COL4A4: variants seen among roughly 807,000 people sequenced by gnomAD.
COL4A4 encodes the protein collagen alpha-4(IV) chain.
In COL4A4, 105 loss-of-function variants were observed where a neutral mutation model predicts 192.9. That is an observed-to-expected ratio of 0.54 (90% CI 0.46 to 0.64). The LOEUF is 0.64. COL4A4 is among the 30% of genes least tolerant of loss of function. COL4A4 has a pLI of 0.00. For synonymous variants in COL4A4, 762 were observed against 769.9 expected (o/e 0.99, Z 0.17); for missense variants, 1,967 against 2,169.3 (o/e 0.91, Z 1.85).
chr2:227,103,049 A>C, intron 14 of COL4A4, 95 bp downstream of exon 14: 1 of 1,174,442 alleles, frequency 8.5e-7, no homozygotes, highest in Non-Finnish European at 1.3e-6. Context: ...ATATATTAGC[A>C]CTTAAAGCAA....
intron 25 of COL4A4, among the ~76,000 whole-genome samples, chr2:227,077,555 A>G (rs2059095889): frequency 6.6e-6 from 1 of 152,148 alleles, no homozygotes; most frequent in Non-Finnish European, 1.5e-5. Context: ...TGTGGGGCTT[A>G]AAACCTAGAT....
At chr2:227,022,857 C>T (rs1386589313) in intron 43 of COL4A4, among the ~76,000 whole-genome samples, 1 of 152,156 alleles carries the variant, frequency 6.6e-6, no homozygotes, top group Non-Finnish European at 1.5e-5. Flanking sequence ...CAAAAGTACT[C>T]ATGAATACTG....
chr2:227,105,152 C>A, intron 12 of COL4A4, among the ~76,000 whole-genome samples: 1 of 146,218 alleles, frequency 6.8e-6, no homozygotes, highest in Non-Finnish European at 1.5e-5. Context: ...TTTTGTGAGC[C>A]TTTTTCTATT....
the COL4A4 span, among the ~76,000 whole-genome samples, chr2:226,987,568 C>T: frequency 1.4e-4 from 22 of 152,346 alleles, no homozygotes; most frequent in Non-Finnish European, 2.4e-4. Flanking sequence ...CACCACCTGA[C>T]GCCTGTGTCT....
intron 1 of COL4A4, among the ~76,000 whole-genome samples, chr2:227,157,254 T>C (rs1327436397): frequency 6.6e-6 from 1 of 152,030 alleles, no homozygotes; most frequent in Non-Finnish European, 1.5e-5. Context: ...AGCTGAATGA[T>C]AATAAAAACA....
chr2:227,099,854 A>T (rs1434875733), intron 17 of COL4A4, among the ~76,000 whole-genome samples, 165 bp from the exon 18 acceptor site: 3 of 152,240 alleles, frequency 2.0e-5, no homozygotes, highest in Admixed American at 2.0e-4. Flanking sequence ...AGCAGCAAAG[A>T]TGCATCTAAT....
chr2:226,987,093 C>G, the COL4A4 span, among the ~76,000 whole-genome samples: 2 of 152,142 alleles, frequency 1.3e-5, no homozygotes, highest in Non-Finnish European at 2.9e-5. Context: ...AACCAAACAC[C>G]GCATGTTCTC....
chr2:227,162,629 T>C (rs577831376), intron 1 of COL4A4, among the ~76,000 whole-genome samples: 1 of 152,230 alleles, frequency 6.6e-6, no homozygotes, highest in Non-Finnish European at 1.5e-5. Context: ...GAGTTTAATA[T>C]ATGTGCTTTT....
At chr2:227,028,128 C>T in intron 41 of COL4A4, 119 bp from the exon 42 acceptor site, 1 of 766,320 alleles carries the variant, frequency 1.3e-6, no homozygotes, top group Admixed American at 2.2e-5. Context: ...CATAGCTAGC[C>T]TGAGAGTCAA....
intron 44 of COL4A4, among the ~76,000 whole-genome samples, chr2:227,012,825 C>A (rs1221973221): frequency 1.3e-5 from 2 of 152,158 alleles, no homozygotes; most frequent in Admixed American, 1.3e-4. Context: ...TTACAATGTG[C>A]TAGGTACCAT....
rs891424290 is a variant in COL4A4 at position 227,123,168 on chromosome 2, G to T, written c.193-2020C>A. Among the ~76,000 whole-genome samples the T allele has an allele frequency of 6.6e-6, 1 of 152,122 alleles. No homozygotes were observed. The highest frequency in any genetic ancestry group is 1.5e-5 in the Non-Finnish European group (1 of 68,012). ...GGTGTAAGCCACCATGCCCAGGTGGGATGTCACTTTAGATAGTGCTGCTGG... is the reference window on the plus strand; with the variant it reads ...GGTGTAAGCCACCATGCCCAGGTGGTATGTCACTTTAGATAGTGCTGCTGG... On this transcript the variant is annotated intron_variant, in intron 4 of 47. Coordinates refer to ENST00000396625, the MANE Select transcript of COL4A4 (RefSeq NM_000092.5). The surrounding 1 kb of genome is among the most constrained non-coding windows in gnomAD (Gnocchi z 4.6).
upstream of COL4A4, chr2:227,164,320 G>C: frequency 2.4e-5 from 5 of 209,456 alleles, no homozygotes; most frequent in South Asian, 1.3e-4. This position sits in a 1 kb window ranked among gnomAD's most constrained non-coding sequence, Gnocchi z 4.8. Context: ...ACCCCCAAAC[G>C]CCCCACCTCC....
At chr2:227,001,675 TTAAAG>T (rs557819684), downstream of COL4A4, among the ~76,000 whole-genome samples, 69 of 152,316 alleles carry the variant, frequency 4.5e-4, no homozygotes, top group Admixed American at 4.0e-3. Flanking sequence ...CTGTATGACC[TTAAAG>T]TAGTTATTCT....
chr2:227,021,881 C>T (rs1010060640), intron 44 of COL4A4, among the ~76,000 whole-genome samples, 167 bp downstream of exon 44: 4 of 151,638 alleles, frequency 2.6e-5, no homozygotes, highest in Admixed American at 2.6e-4. Flanking sequence ...CCAGTTAGCC[C>T]ATGATTGATG....
intron 20 of COL4A4, among the ~76,000 whole-genome samples, chr2:227,092,249 G>A (rs2059981150): frequency 6.6e-6 from 1 of 152,090 alleles, no homozygotes; most frequent in Admixed American, 6.6e-5. Context: ...AGCCAAACTA[G>A]AAATCAAAGT....
chr2:227,123,487 G>A lies in COL4A4; in HGVS notation c.193-2339C>T, dbSNP rs1209079347. Among the ~76,000 whole-genome samples, 4 of 152,196 alleles carry A rather than the reference G, an allele frequency of 2.6e-5. No individual in the cohort carries two copies. In the East Asian group the frequency reaches 7.7e-4, roughly 29 times the overall value. ...GGTCAGGAACAGAGCGCGACCCACGGAAGTGAAGGCAGCCAAGAAAGGGGC... is the reference window on the plus strand; with the variant it reads ...GGTCAGGAACAGAGCGCGACCCACGAAAGTGAAGGCAGCCAAGAAAGGGGC... On this transcript the variant is annotated intron_variant, in intron 4 of 47. Transcript: ENST00000396625. The surrounding 1 kb of genome is among the most constrained non-coding windows in gnomAD (Gnocchi z 4.6).
intron 35 of COL4A4, among the ~76,000 whole-genome samples, chr2:227,043,954 C>G (rs553811660): frequency 6.6e-6 from 1 of 152,346 alleles, no homozygotes; most frequent in African/African-American, 2.4e-5. Flanking sequence ...CACCACGTTC[C>G]ATCCCAGAAT....
chr2:226,987,699 C>T, the COL4A4 span, among the ~76,000 whole-genome samples: 2 of 152,318 alleles, frequency 1.3e-5, no homozygotes, highest in African/African-American at 2.4e-5. Flanking sequence ...TGTGCCAGAT[C>T]GTGGTGGACC....
In COL4A4 at chr2:227,099,482, T is replaced by C. The variant is rs192737510; in HGVS notation, c.1099+138A>G. On this transcript the variant is annotated intron_variant, in intron 18 of 47. Coordinates refer to ENST00000396625, the MANE Select transcript of COL4A4 (RefSeq NM_000092.5). ...AAAAAACCTCATGCACATGTATAAT[T>C]ATACACTCATGCTACAGTTCGTGCA... The C allele has an allele frequency of 2.0e-5, 15 of 757,402 alleles. No homozygotes were observed. In the Admixed American group the frequency reaches 2.8e-4, roughly 14 times the overall value. The allele number at this position is 757,402 out of a possible 1,614,324, so 46.9% of individuals were successfully genotyped here.
Sources: allele counts gnomAD v4.1 joint callset (sites outside exome capture counted in the v4.1 genomes callset), GRCh38; gene constraint gnomAD v4.1.1; non-coding constraint Gnocchi (gnomAD v3.1); transcripts MANE v1.5; gene names NCBI Gene and HGNC (gene_info 2026-07-23, HGNC 2026-07-21).